Variants in ARHGAP44 observed in about 807,000 individuals in gnomAD.
The protein encoded by ARHGAP44 is Rho GTPase activating protein 44.
In ARHGAP44, 43 loss-of-function variants were observed where a neutral mutation model predicts 106.8. The observed-to-expected ratio is 0.40, with a 90% CI of 0.32 to 0.52. The LOEUF (loss-of-function observed/expected upper bound fraction) is 0.52, where lower values mean the gene tolerates loss of function less well. Among genes scored for constraint, ARHGAP44 ranks in the 20% least tolerant of loss-of-function variants. The probability of loss-of-function intolerance (pLI) is 0.48; values close to 1 mark genes in which losing one functional copy is unlikely to be tolerated. For missense variants in ARHGAP44, 866 were observed against 1,050.5 expected (o/e 0.82, Z 2.43); for synonymous variants, 439 against 410.3 (o/e 1.07, Z -0.85).
intron 1 of ARHGAP44, among the ~76,000 whole-genome samples, chr17:12,833,289 A>T (rs1019441101): frequency 3.9e-4 from 59 of 152,154 alleles, no homozygotes; most frequent in Non-Finnish European, 5.9e-5. Flanking sequence ...TTTCATATTG[A>T]TGGACTTTTT....
chr17:12,989,103 A>C (rs1352978639), intron 20 of ARHGAP44, among the ~76,000 whole-genome samples: 7 of 104,186 alleles, frequency 6.7e-5, no homozygotes, highest in East Asian at 2.8e-4. Flanking sequence ...ACCCCCCCCA[A>C]AAAAAAAAAA....
intron 1 of ARHGAP44, among the ~76,000 whole-genome samples, chr17:12,886,195 G>A (rs1310016269): frequency 6.6e-6 from 1 of 151,882 alleles, no homozygotes; most frequent in Admixed American, 6.6e-5. Context: ...ACTGATCTGG[G>A]TTTCTTTATT....
At chr17:12,925,771 G>C (rs2038213338) in intron 6 of ARHGAP44, among the ~76,000 whole-genome samples, 1 of 152,212 alleles carries the variant, frequency 6.6e-6, no homozygotes, top group Non-Finnish European at 1.5e-5. Context: ...CTTGGACAAT[G>C]TCTAGTGTTC....
Position 12,962,995 on chromosome 17 carries a change from G to A in ARHGAP44, c.1523+4098G>A, listed in dbSNP as rs374636634. On this transcript the variant is annotated intron_variant, in intron 16 of 20. Coordinates refer to ENST00000379672, the MANE Select transcript of ARHGAP44 (RefSeq NM_014859.6). ...AGGGAGGCGGAGGTTGCAGTGAGCC[G>A]AGATAGTGCCATTGCACTCCAGCCT... 3.2e-4 allele frequency among the ~76,000 whole-genome samples: 45 copies of A among 139,198 alleles called. 1 individual carries two copies. The highest frequency in any genetic ancestry group is 9.8e-4 in the African/African-American group (36 of 36,616). 91.3% of individuals were successfully genotyped at this position (139,198 alleles called of 152,430 possible). A position where few individuals can be genotyped will look rare whatever the true frequency, so the allele number is the denominator to read the frequency against.
At chr17:12,978,042 A>AAAAAAAAAG (rs1196089599) in intron 18 of ARHGAP44, among the ~76,000 whole-genome samples, 1 of 147,056 alleles carries the variant, frequency 6.8e-6, no homozygotes. Context: ...ATCTCAAAAA[A>AAAAAAAAAG]AAAAAAAAAA....
intron 1 of ARHGAP44, among the ~76,000 whole-genome samples, chr17:12,806,057 A>G (rs754113022): frequency 1.3e-5 from 2 of 152,204 alleles, no homozygotes; most frequent in Non-Finnish European, 2.9e-5. Flanking sequence ...AGGGGGTATA[A>G]GTCCTTTATT....
chr17:12,895,839 C>T (rs2037185711), intron 2 of ARHGAP44, among the ~76,000 whole-genome samples: 1 of 152,074 alleles, frequency 6.6e-6, no homozygotes, highest in Non-Finnish European at 1.5e-5. Flanking sequence ...ATAGCAAAGA[C>T]TTGGAACCAA....
intron 4 of ARHGAP44, among the ~76,000 whole-genome samples, chr17:12,910,866 C>A (rs1313631268): frequency 6.6e-6 from 1 of 151,734 alleles, no homozygotes; most frequent in African/African-American, 2.4e-5. Context: ...AAAGGTATTA[C>A]ATTTAAATTT....
chr17:12,879,261 A>G (rs2036645943), intron 1 of ARHGAP44, among the ~76,000 whole-genome samples: 1 of 152,148 alleles, frequency 6.6e-6, no homozygotes, highest in Non-Finnish European at 1.5e-5. Context: ...ACTTAGAACG[A>G]TGGTCTACAG....
At chr17:12,929,903 T>G (rs1401841140) in intron 7 of ARHGAP44, among the ~76,000 whole-genome samples, 1 of 152,218 alleles carries the variant, frequency 6.6e-6, no homozygotes, top group Non-Finnish European at 1.5e-5. Flanking sequence ...TCTTAGCTTG[T>G]CCATAGGCTT....
chr17:12,926,565 G>A (rs1194331904), intron 6 of ARHGAP44, among the ~76,000 whole-genome samples: 3 of 145,894 alleles, frequency 2.1e-5, no homozygotes, highest in South Asian at 2.1e-4. Flanking sequence ...ATTGTAAATT[G>A]TAAATAAAAT....
In ARHGAP44 at chr17:12,980,115, C is replaced by T. The variant is rs2143404504; in HGVS notation, c.1821C>T (p.Ser607=). The change falls in exon 19 of 21, where the codon TCC becomes TCT. Residue 607 remains serine (S), a synonymous_variant. Transcript: ENST00000379672. Reference sequence around the variant, plus strand: ...CTGCACAGAAAGGAAGTCCAGGCTCCAGCCAGGGCACAGCCTGTGCAGGGA... The same window carrying T: ...CTGCACAGAAAGGAAGTCCAGGCTCTAGCCAGGGCACAGCCTGTGCAGGGA... The part of the protein sequence containing the change: ...PGSAQKGSPG[S]SQGTACAGTQ... The T allele has an allele frequency of 6.2e-7, 1 of 1,613,902 alleles. No homozygotes were observed. Among genetic ancestry groups the T allele is most frequent in the African/African-American group, 1.3e-5 (1 of 75,068 alleles).
At chr17:12,867,498 G>A (rs2036267436) in intron 1 of ARHGAP44, among the ~76,000 whole-genome samples, 2 of 152,114 alleles carry the variant, frequency 1.3e-5, no homozygotes, top group Non-Finnish European at 2.9e-5. Context: ...AAATTTGCAA[G>A]TCACAATTGT....
At chr17:12,804,510 TTCAAGTAAA>T (rs1399846118) in intron 1 of ARHGAP44, among the ~76,000 whole-genome samples, 2 of 152,210 alleles carry the variant, frequency 1.3e-5, no homozygotes, top group Non-Finnish European at 2.9e-5. Flanking sequence ...GAGGAAAGTA[TTCAAGTAAA>T]CAGCCAACAC....
rs1344779246 is a variant in ARHGAP44, at chr17:12,980,146, C to T, written c.1852C>T (p.Pro618Ser). The T allele has an allele frequency of 6.2e-7, 1 of 1,613,538 alleles. No homozygotes were observed. Among genetic ancestry groups the T allele is most frequent in the Non-Finnish European group, 8.5e-7 (1 of 1,179,486 alleles). The change falls in exon 19 of 21, where the codon CCA (proline) becomes TCA (serine). Residue 618 changes from proline (P) to serine (S), a missense_variant. By Grantham distance (74) the Pro-to-Ser change is moderately conservative. Around this residue, in one of 2 missense-constraint regions of ARHGAP44, gnomAD observed 418 missense variants for 403.6 expected, o/e 1.04. Transcript: ENST00000379672. ...GGGCACAGCCTGTGCAGGGACTCAA[C>T]CAGGGGCTCAACCTGGAGCTCAGCC... ...SQGTACAGTQ[P>S]GAQPGAQPGA...
At chr17:12,904,603 A>G (rs1160367885) in intron 3 of ARHGAP44, among the ~76,000 whole-genome samples, 2 of 152,212 alleles carry the variant, frequency 1.3e-5, no homozygotes, top group Admixed American at 1.3e-4. Flanking sequence ...CATTAAAATA[A>G]AAGAACAAGA....
chr17:12,913,757 CCAG>C (rs2037813306), intron 4 of ARHGAP44, among the ~76,000 whole-genome samples: 1 of 150,250 alleles, frequency 6.7e-6, no homozygotes, highest in Non-Finnish European at 1.5e-5. Flanking sequence ...TACCTGAGGT[CCAG>C]AGTTCAAGAC....
chr17:12,865,878 C>T (rs1785326916), intron 1 of ARHGAP44, among the ~76,000 whole-genome samples: 1 of 151,566 alleles, frequency 6.6e-6, no homozygotes. Context: ...ATTATTTTTA[C>T]CAGGACTTTA....
At chr17:12,860,165 A>T (rs570811704) in intron 1 of ARHGAP44, among the ~76,000 whole-genome samples, 4 of 152,292 alleles carry the variant, frequency 2.6e-5, no homozygotes, top group African/African-American at 4.8e-5. Flanking sequence ...TGGTCCACAG[A>T]CTCCAAATGC....
Sources: allele counts gnomAD v4.1 joint callset (sites outside exome capture counted in the v4.1 genomes callset), GRCh38; gene constraint gnomAD v4.1.1; regional missense constraint gnomAD v4.1.1; transcripts MANE v1.5; gene names NCBI Gene and HGNC (gene_info 2026-07-23, HGNC 2026-07-21).